SCUBE2: variants seen among roughly 807,000 people sequenced by gnomAD.
SCUBE2 encodes the protein signal peptide, CUB domain and EGF like domain containing 2, also known as signal peptide, CUB and EGF-like domain-containing protein 2.
SCUBE2 carries 114 observed loss-of-function variants against 125.9 expected under a neutral mutation model. The ratio of observed to expected loss-of-function variants is 0.91; its 90% confidence interval spans 0.78 to 1.06. SCUBE2 has a LOEUF of 1.06. Among genes scored for constraint, SCUBE2 ranks in the 50% least tolerant of loss-of-function variants. The pLI is 0.00. For missense variants in SCUBE2, 1,255 were observed against 1,301.8 expected (o/e 0.96, Z 0.55); for synonymous variants, 459 against 492.9 (o/e 0.93, Z 0.91).
At chr11:9,073,429 G>C (rs970516138) in intron 4 of SCUBE2, among the ~76,000 whole-genome samples, 5 of 152,068 alleles carry the variant, frequency 3.3e-5, no homozygotes, top group African/African-American at 1.2e-4. Context: ...AATTTTTCTT[G>C]GTACCCAAAC....
chr11:9,049,867 A>AT, intron 14 of SCUBE2: 1 of 152,354 alleles, frequency 6.6e-6, no homozygotes, highest in Admixed American at 6.5e-5. Flanking sequence ...ATTCCATCAA[A>AT]TGGAGGTACC....
chr11:9,046,820 T>A (rs1271057568), intron 16 of SCUBE2, among the ~76,000 whole-genome samples: 1 of 152,220 alleles, frequency 6.6e-6, no homozygotes, highest in Admixed American at 6.5e-5. Flanking sequence ...TTCACTAAGT[T>A]TTGGCAAAGC....
intron 2 of SCUBE2, among the ~76,000 whole-genome samples, chr11:9,088,424 C>T (rs976099360): frequency 6.6e-6 from 1 of 152,188 alleles, no homozygotes; most frequent in Admixed American, 6.5e-5. Flanking sequence ...CACTCCTGGC[C>T]GGGGATGAGG....
At chr11:9,045,072 T>C (rs1857571940) in intron 16 of SCUBE2, among the ~76,000 whole-genome samples, 1 of 152,220 alleles carries the variant, frequency 6.6e-6, no homozygotes, top group African/African-American at 2.4e-5. Context: ...ACCTTCTTCC[T>C]CTAAAATTGT....
chr11:9,035,147 C>T (rs1435481727), intron 16 of SCUBE2, among the ~76,000 whole-genome samples: 1 of 152,192 alleles, frequency 6.6e-6, no homozygotes, highest in Non-Finnish European at 1.5e-5. Flanking sequence ...CCAAATTTGG[C>T]TCCCTACTAT....
At position 9,020,974 on chromosome 11, in the gene SCUBE2, G is replaced by A. The variant is rs1224004509; in HGVS notation, c.*71C>T. Reference sequence around the variant, plus strand: ...CAGCAATACCCGACTGTGCTGACATGCAGAAGGAAGACAGCTCTGTCCCAC... The same window carrying A: ...CAGCAATACCCGACTGTGCTGACATACAGAAGGAAGACAGCTCTGTCCCAC... On this transcript the variant is annotated 3_prime_UTR_variant, in exon 23 of 23. Transcript: ENST00000649792. 2.8e-6 allele frequency: 4 copies of A among 1,405,920 alleles called. No homozygotes were observed. The highest frequency in any genetic ancestry group is 2.5e-5 in the East Asian group (1 of 40,420). The allele number at this position is 1,405,920 out of a possible 1,614,324, so 87.1% of individuals were successfully genotyped here. A position where few individuals can be genotyped will look rare whatever the true frequency, so the allele number is the denominator to read the frequency against.
At chr11:9,034,760 C>G (rs1360373671) in intron 16 of SCUBE2, among the ~76,000 whole-genome samples, 2 of 152,156 alleles carry the variant, frequency 1.3e-5, no homozygotes, top group Non-Finnish European at 2.9e-5. Context: ...GTGGGCGGAT[C>G]ACCTGAGGTC....
rs1862437061 is a variant in SCUBE2, at chr11:9,089,576, G to A, written c.256+131C>T. ...ATCTGAAATATATTTCAGAGAGCAG[G>A]TGATGTGATTCAGGGGCTGGGGGAA... On this transcript the variant is annotated intron_variant, in intron 2 of 22. Transcript: ENST00000649792. 4 of 970,708 alleles carry A rather than the reference G, an allele frequency of 4.1e-6. No individual in the cohort carries two copies. In the South Asian group the frequency reaches 6.9e-5, roughly 17 times the overall value. 60.1% of individuals were successfully genotyped at this position (970,708 alleles called of 1,614,324 possible).
intron 2 of SCUBE2, among the ~76,000 whole-genome samples, chr11:9,085,534 G>C (rs1861979028): frequency 1.3e-5 from 2 of 152,218 alleles, no homozygotes; most frequent in South Asian, 4.2e-4. Flanking sequence ...AGACCATCCT[G>C]GCTAACACGG....
rs1199971090 is a variant in SCUBE2, at chr11:9,053,720, T to A, written c.1247A>T (p.Gln416Leu). ...GCTGCCCACTGTGTTCACACAGACC[T>A]GCTGACAGCCTCCGTTGTTGATGCT... is the stretch of plus-strand genomic sequence containing the variant. ...ECSINNGGCQ[Q>L]VCVNTVGSYE... Residue 416 changes from glutamine (Q) to leucine (L), a missense_variant, in exon 11 of 23, where the codon CAG becomes CTG. Coordinates refer to ENST00000649792, the MANE Select transcript of SCUBE2 (RefSeq NM_001367977.2). 1 of 1,614,086 alleles carries A rather than the reference T, an allele frequency of 6.2e-7. No individual in the cohort carries two copies. Among genetic ancestry groups the A allele is most frequent in the East Asian group, 2.2e-5 (1 of 44,894 alleles).
At chr11:9,070,346 C>T (rs1392333570) in intron 4 of SCUBE2, among the ~76,000 whole-genome samples, 2 of 152,162 alleles carry the variant, frequency 1.3e-5, no homozygotes, top group Admixed American at 6.5e-5. Flanking sequence ...AAGGTAACTG[C>T]CCGTGTGGTT....
At chr11:9,024,667 C>T (rs767649600) in intron 21 of SCUBE2, among the ~76,000 whole-genome samples, 77 of 152,196 alleles carry the variant, frequency 5.1e-4, no homozygotes, top group Admixed American at 1.1e-3. Flanking sequence ...TCAGTCCACA[C>T]GTACACCGGG....
intron 5 of SCUBE2, among the ~76,000 whole-genome samples, chr11:9,068,345 A>G (rs1258754169): frequency 6.6e-6 from 1 of 152,196 alleles, no homozygotes; most frequent in East Asian, 1.9e-4. Context: ...TGTTACTACA[A>G]TCGTGGTGCA....
chr11:9,053,260 C>G, intron 11 of SCUBE2, 45 bp from the exon 12 acceptor site: 2 of 1,521,342 alleles, frequency 1.3e-6, no homozygotes, highest in South Asian at 2.3e-5. Context: ...AAGGACATTT[C>G]CAAGTGTGAC....
At chr11:9,078,106 AC>A (rs1208946836) in intron 3 of SCUBE2, among the ~76,000 whole-genome samples, 2 of 152,308 alleles carry the variant, frequency 1.3e-5, no homozygotes, top group East Asian at 3.9e-4. Flanking sequence ...AAAAAGAGCA[AC>A]CCATGTGGTA....
intron 17 of SCUBE2, chr11:9,031,189 G>A (rs1369398860): frequency 2.1e-5 from 7 of 326,056 alleles, no homozygotes; most frequent in African/African-American, 4.2e-5. Flanking sequence ...TCCAAAGTAT[G>A]GGAAGGCCTG....
At chr11:9,054,698 A>ACAATAT (rs1564822811) in intron 10 of SCUBE2, among the ~76,000 whole-genome samples, 11 of 61,222 alleles carry the variant, frequency 1.8e-4, no homozygotes, top group Admixed American at 4.0e-4. Flanking sequence ...GCAAAGCACT[A>ACAATAT]GTGTATATAT....
chr11:9,034,570 A>G (rs1009650765), intron 16 of SCUBE2, among the ~76,000 whole-genome samples: 1 of 152,170 alleles, frequency 6.6e-6, no homozygotes, highest in Non-Finnish European at 1.5e-5. Context: ...AAGAAGAAAG[A>G]AAAGAAGAGG....
intron 14 of SCUBE2, among the ~76,000 whole-genome samples, chr11:9,048,902 A>C (rs777445072): frequency 8.5e-5 from 13 of 152,234 alleles, no homozygotes; most frequent in Non-Finnish European, 1.5e-4. Flanking sequence ...CATTCAAGCC[A>C]TAGGTCAACA....
Sources: allele counts gnomAD v4.1 joint callset (sites outside exome capture counted in the v4.1 genomes callset), GRCh38; gene constraint gnomAD v4.1.1; transcripts MANE v1.5; gene names NCBI Gene and HGNC (gene_info 2026-07-23, HGNC 2026-07-21).